RAPGEF1: variants seen among roughly 807,000 people sequenced by gnomAD.
RAPGEF1 encodes Rap guanine nucleotide exchange factor 1, also known as CRK SH3-binding GNRP.
Under a neutral mutation model 143.3 loss-of-function variants are expected in RAPGEF1, and 33 were observed. The observed-to-expected ratio is 0.23, with a 90% confidence interval of 0.17 to 0.31. The LOEUF (loss-of-function observed/expected upper bound fraction) is 0.31, where lower values mean the gene tolerates loss of function less well. RAPGEF1 is among the 10% of genes least tolerant of loss of function. The pLI is 1.00. For synonymous variants in RAPGEF1, 629 were observed against 676.5 expected (o/e 0.93, Z 1.09); for missense variants, 1,199 against 1,645.4 (o/e 0.73, Z 4.69).
At chr9:131,720,176 G>A (rs1049336989) in intron 1 of RAPGEF1, among the ~76,000 whole-genome samples, 2 of 152,248 alleles carry the variant, frequency 1.3e-5, no homozygotes, top group East Asian at 1.9e-4. Flanking sequence ...GTGAGCCACC[G>A]TGCCCAGCCT....
rs567500476 is a variant in RAPGEF1 at position 131,584,680 on chromosome 9, C to T, written c.3234-84G>A. The stretch of plus-strand genomic sequence containing the variant: ...GGTCCTGGTGGAGACAGGACCTGTA[C>T]GACCCCCATGCCAGTGGCCACGAGC... On this transcript the variant is annotated intron_variant, in intron 22 of 26. Transcript: ENST00000683357. The surrounding 1 kb of genome is among the most constrained non-coding windows in gnomAD (Gnocchi z 6.8). 1.4e-5 allele frequency: 19 copies of T among 1,389,168 alleles called. No individual in the cohort carries two copies. Among genetic ancestry groups the T allele is most frequent in the East Asian group, 2.3e-5 (1 of 43,598 alleles). The allele number at this position is 1,389,168 out of a possible 1,614,324, so 86.1% of individuals were successfully genotyped here.
intron 1 of RAPGEF1, among the ~76,000 whole-genome samples, chr9:131,659,981 G>C (rs1357985974): frequency 6.6e-6 from 1 of 152,098 alleles, no homozygotes; most frequent in African/African-American, 2.4e-5. Context: ...ACCACGCCCG[G>C]CTAATTTTTT....
intron 1 of RAPGEF1, among the ~76,000 whole-genome samples, chr9:131,687,813 AT>A (rs1012714867): frequency 3.9e-5 from 6 of 152,150 alleles, no homozygotes; most frequent in African/African-American, 1.4e-4. Context: ...AAAAAAATCA[AT>A]TTTCATATAA....
At chr9:131,722,275 G>T (rs1457072932) in intron 1 of RAPGEF1, among the ~76,000 whole-genome samples, 1 of 152,172 alleles carries the variant, frequency 6.6e-6, no homozygotes, top group Non-Finnish European at 1.5e-5. Flanking sequence ...AAAATTCTTG[G>T]AGAGGGCCTT....
At chr9:131,615,316 C>T (rs774967174) in intron 12 of RAPGEF1, among the ~76,000 whole-genome samples, 3 of 152,194 alleles carry the variant, frequency 2.0e-5, no homozygotes, top group Non-Finnish European at 4.4e-5. Flanking sequence ...CCTCGTGATC[C>T]GCCCACCTTG....
At chr9:131,677,303 AAG>A (rs1436995610) in intron 1 of RAPGEF1, among the ~76,000 whole-genome samples, 2 of 152,238 alleles carry the variant, frequency 1.3e-5, no homozygotes, top group Non-Finnish European at 2.9e-5. Flanking sequence ...TTTAAAATTA[AAG>A]AGCTCTGCAT....
chr9:131,579,505 T>C lies in RAPGEF1; in HGVS notation c.3784A>G (p.Lys1262Glu). The C allele has an allele frequency of 6.2e-7, 1 of 1,613,896 alleles. No individual in the cohort carries two copies. The highest frequency in any genetic ancestry group is 8.5e-7 in the Non-Finnish European group (1 of 1,179,826). The change falls in exon 27 of 27, where the codon AAG (lysine) becomes GAG (glutamate). Residue 1262 changes from lysine (K) to glutamate (E), a missense_variant. Physicochemically the swap from Lys to Glu is moderately conservative, Grantham distance 56 (BLOSUM62 1). Coordinates refer to ENST00000683357, the MANE Select transcript of RAPGEF1 (RefSeq NM_001377935.1). ...ITRRKTDREE[K>E]T ...GATCCCGGCGTCTGCTCCTAGGTCT[T>C]CTCTTCCCGGTCTGTTTTTCTCCTT... is the stretch of plus-strand genomic sequence containing the variant.
At chr9:131,596,898 G>T (rs1955400165) in intron 16 of RAPGEF1, among the ~76,000 whole-genome samples, 1 of 152,204 alleles carries the variant, frequency 6.6e-6, no homozygotes, top group Non-Finnish European at 1.5e-5. Flanking sequence ...TTGGCACAAG[G>T]TTCTTCTGTG....
At chr9:131,599,570 C>T (rs1955922029) in intron 15 of RAPGEF1, among the ~76,000 whole-genome samples, 1 of 151,922 alleles carries the variant, frequency 6.6e-6, no homozygotes, top group Non-Finnish European at 1.5e-5. Flanking sequence ...ATGGGTGAGC[C>T]GAGGCTTGCA....
intron 1 of RAPGEF1, among the ~76,000 whole-genome samples, chr9:131,702,774 TA>T (rs572135505): frequency 3.9e-5 from 6 of 152,102 alleles, no homozygotes; most frequent in Non-Finnish European, 8.8e-5. Context: ...GCCTGACCTG[TA>T]AAAAGTGGAA....
intron 20 of RAPGEF1, 126 bp from the exon 21 acceptor site, chr9:131,588,152 A>G (rs1002870300): frequency 1.0e-5 from 8 of 797,006 alleles, no homozygotes; most frequent in Admixed American, 2.5e-5. Flanking sequence ...TGGAGGCTAC[A>G]GGGCGGGGAA....
At chr9:131,714,705 C>CTTT (rs10568442) in intron 1 of RAPGEF1, among the ~76,000 whole-genome samples, 3 of 114,696 alleles carry the variant, frequency 2.6e-5, no homozygotes, top group Admixed American at 8.7e-5. Flanking sequence ...TAGACTCTGC[C>CTTT]TTTTTTTTTT....
At chr9:131,689,940 T>C (rs559685809) in intron 1 of RAPGEF1, among the ~76,000 whole-genome samples, 65 of 152,238 alleles carry the variant, frequency 4.3e-4, no homozygotes, top group Non-Finnish European at 8.1e-4. Context: ...TATCTGAATA[T>C]AAATGTAAAG....
chr9:131,733,005 A>G (rs536059282), intron 1 of RAPGEF1, among the ~76,000 whole-genome samples: 1 of 152,222 alleles, frequency 6.6e-6, no homozygotes, highest in South Asian at 2.1e-4. Flanking sequence ...GGAATTTACT[A>G]TATGTTAGAG....
chr9:131,705,907 A>AC (rs529482266), intron 1 of RAPGEF1, among the ~76,000 whole-genome samples: 281 of 152,274 alleles, frequency 1.8e-3, no homozygotes, highest in Non-Finnish European at 3.1e-3. Context: ...GGACATGGAA[A>AC]CACACGTAAA....
chr9:131,711,907 G>A (rs1835535187), intron 1 of RAPGEF1, among the ~76,000 whole-genome samples: 1 of 152,134 alleles, frequency 6.6e-6, no homozygotes, highest in Admixed American at 6.5e-5. Context: ...GGGCCACTGT[G>A]TTAAACCAGG....
chr9:131,646,862 C>T (rs1038882585), intron 3 of RAPGEF1, among the ~76,000 whole-genome samples: 11 of 152,160 alleles, frequency 7.2e-5, no homozygotes, highest in African/African-American at 1.9e-4. Flanking sequence ...GAAGACATGT[C>T]GAACACAGAC....
chr9:131,679,065 G>A (rs1467796158), intron 1 of RAPGEF1, among the ~76,000 whole-genome samples: 1 of 152,072 alleles, frequency 6.6e-6, no homozygotes, highest in Non-Finnish European at 1.5e-5. Flanking sequence ...GCAGTGACTG[G>A]GGGTGGGGGG....
At chr9:131,709,325 G>A (rs984549763) in intron 1 of RAPGEF1, among the ~76,000 whole-genome samples, 1 of 152,102 alleles carries the variant, frequency 6.6e-6, no homozygotes, top group African/African-American at 2.4e-5. Context: ...CAGCCTGGGC[G>A]ACAGAACGAG....
Sources: allele counts gnomAD v4.1 joint callset (sites outside exome capture counted in the v4.1 genomes callset), GRCh38; gene constraint gnomAD v4.1.1; non-coding constraint Gnocchi (gnomAD v3.1); transcripts MANE v1.5; gene names NCBI Gene and HGNC (gene_info 2026-07-23, HGNC 2026-07-21).